Variants in CTNNA2 observed in about 807,000 individuals in gnomAD.
CTNNA2 encodes catenin alpha-2.
CTNNA2 carries 42 observed loss-of-function variants against 101.0 expected under a neutral mutation model. That is an observed-to-expected ratio of 0.42 (90% confidence interval 0.32 to 0.54). CTNNA2 has a LOEUF of 0.54. Ranked by LOEUF, CTNNA2 falls within the 20% of genes least tolerant of loss-of-function variation. CTNNA2 has a pLI of 0.14. For synonymous variants in CTNNA2, 450 were observed against 456.4 expected (o/e 0.99, Z 0.18); for missense variants, 871 against 1,223.1 (o/e 0.71, Z 4.29).
At chr2:80,583,640 T>C (rs1310314209) in intron 14 of CTNNA2, among the ~76,000 whole-genome samples, 2 of 152,172 alleles carry the variant, frequency 1.3e-5, no homozygotes, top group Non-Finnish European at 2.9e-5. Context: ...AAAGACAGGT[T>C]GTACAACTCA....
At chr2:79,760,287 A>ATG (rs72350498) in intron 3 of CTNNA2, among the ~76,000 whole-genome samples, 1,923 of 149,712 alleles carry the variant, frequency 0.013, 17 homozygotes, top group East Asian at 0.05. Flanking sequence ...TACATATAAA[A>ATG]TGTGTGTGTG....
In CTNNA2 at chr2:79,482,657, A is replaced by T. The variant is rs186981312; in HGVS notation, c.-134-22397A>T. Among the ~76,000 whole-genome samples, 486 of 152,276 alleles carry T rather than the reference A, an allele frequency of 3.2e-3. 1 individual carries two copies. The highest frequency in any genetic ancestry group is 0.011 in the African/African-American group (449 of 41,556). On this transcript the variant is annotated intron_variant, in intron 4 of 21. Transcript: ENST00000466387. ...TTCAAAGAGGTAAAAAGCCTATTTT[A>T]AAAAGAATTTAGGTATGACTGGCAG...
chr2:80,641,635 T>A (rs1000351096), intron 18 of CTNNA2, among the ~76,000 whole-genome samples: 5 of 152,160 alleles, frequency 3.3e-5, no homozygotes, highest in African/African-American at 4.8e-5. Flanking sequence ...TTTATTTTAT[T>A]TCTATCTTAC....
At chr2:79,349,175 T>G (rs1439022824) in intron 3 of CTNNA2, among the ~76,000 whole-genome samples, 1 of 152,122 alleles carries the variant, frequency 6.6e-6, no homozygotes, top group East Asian at 1.9e-4. Context: ...AAGAGTGAAA[T>G]GTAAGTTTGT....
At chr2:79,935,117 T>A (rs1687690082) in intron 7 of CTNNA2, among the ~76,000 whole-genome samples, 1 of 152,176 alleles carries the variant, frequency 6.6e-6, no homozygotes, top group South Asian at 2.1e-4. Context: ...ATGAAAATAA[T>A]GACTACATTA....
intron 2 of CTNNA2, among the ~76,000 whole-genome samples, chr2:79,714,891 C>T (rs1685972379): frequency 6.6e-6 from 1 of 151,700 alleles, no homozygotes; most frequent in Non-Finnish European, 1.5e-5. Context: ...AGGGAAAGAT[C>T]CTAAAAACCA....
At chr2:79,762,847 T>G (rs1457396162) in intron 3 of CTNNA2, among the ~76,000 whole-genome samples, 3 of 152,226 alleles carry the variant, frequency 2.0e-5, no homozygotes, top group Non-Finnish European at 4.4e-5. Flanking sequence ...GAGGTTTAGT[T>G]TTTCATATCT....
At chr2:79,907,543 A>T (rs1685508396) in intron 6 of CTNNA2, among the ~76,000 whole-genome samples, 1 of 152,148 alleles carries the variant, frequency 6.6e-6, no homozygotes, top group East Asian at 1.9e-4. Flanking sequence ...TTCACCTGTA[A>T]TAATGAACCC....
intron 3 of CTNNA2, among the ~76,000 whole-genome samples, chr2:79,356,357 T>C (rs1196754187): frequency 6.6e-6 from 1 of 152,168 alleles, no homozygotes; most frequent in Non-Finnish European, 1.5e-5. Context: ...ACTATAACCT[T>C]TTCAGATATA....
intron 3 of CTNNA2, among the ~76,000 whole-genome samples, chr2:79,763,736 C>T (rs193268525): frequency 1.3e-5 from 2 of 152,202 alleles, no homozygotes; most frequent in East Asian, 1.9e-4. Flanking sequence ...AGGAACTTGA[C>T]GGTTGCATTG....
intron 9 of CTNNA2, among the ~76,000 whole-genome samples, chr2:80,498,702 T>C (rs1355732305): frequency 6.6e-6 from 1 of 152,242 alleles, no homozygotes; most frequent in Non-Finnish European, 1.5e-5. Flanking sequence ...CAGCATTCCA[T>C]GCCCCATCTC....
At chr2:79,934,188 A>T (rs1687633688) in intron 7 of CTNNA2, among the ~76,000 whole-genome samples, 1 of 152,232 alleles carries the variant, frequency 6.6e-6, no homozygotes, top group Non-Finnish European at 1.5e-5. Flanking sequence ...ATCCAAATAC[A>T]TTTTAAAAAG....
chr2:79,895,353 C>A (rs760050872), intron 6 of CTNNA2, among the ~76,000 whole-genome samples: 1 of 152,086 alleles, frequency 6.6e-6, no homozygotes, highest in African/African-American at 2.4e-5. Flanking sequence ...ATTTCCCTTG[C>A]GGCCCGTGAA....
intron 2 of CTNNA2, among the ~76,000 whole-genome samples, chr2:79,202,059 C>A (rs1471178953): frequency 1.3e-5 from 2 of 152,140 alleles, no homozygotes; most frequent in Non-Finnish European, 2.9e-5. Flanking sequence ...TCTTTTGAGT[C>A]CTTGATCAGC....
At chr2:79,218,342 TGTGTGTGTA>T (rs1460577692) in intron 2 of CTNNA2, among the ~76,000 whole-genome samples, 10 of 79,048 alleles carry the variant, frequency 1.3e-4, no homozygotes, top group South Asian at 9.8e-4. Flanking sequence ...TGTGTGTGTG[TGTGTGTGTA>T]TTTTTTTTTT....
chr2:80,570,906 A>G (rs1694528974), intron 12 of CTNNA2, among the ~76,000 whole-genome samples: 4 of 152,148 alleles, frequency 2.6e-5, no homozygotes, highest in Admixed American at 2.6e-4. Context: ...ACTGTATGTC[A>G]CAGCATTACT....
At chr2:80,448,837 G>A (rs966322401) in intron 9 of CTNNA2, among the ~76,000 whole-genome samples, 6 of 152,008 alleles carry the variant, frequency 3.9e-5, no homozygotes, top group Non-Finnish European at 4.4e-5. Flanking sequence ...TGGCTTGACA[G>A]GGCAGCGATA....
intron 3 of CTNNA2, among the ~76,000 whole-genome samples, chr2:79,350,550 G>A (rs1558640498): frequency 6.6e-6 from 1 of 152,072 alleles, no homozygotes; most frequent in Non-Finnish European, 1.5e-5. Flanking sequence ...TGGACACTTA[G>A]GTTGATTCTA....
chr2:80,169,424 G>C (rs916325534), intron 7 of CTNNA2, among the ~76,000 whole-genome samples: 1 of 152,102 alleles, frequency 6.6e-6, no homozygotes, highest in Non-Finnish European at 1.5e-5. Context: ...AAAGGTATAC[G>C]TTATAAAGGT....
Sources: allele counts gnomAD v4.1 joint callset (sites outside exome capture counted in the v4.1 genomes callset), GRCh38; gene constraint gnomAD v4.1.1; transcripts MANE v1.5; gene names NCBI Gene and HGNC (gene_info 2026-07-23, HGNC 2026-07-21).